Variants in GLG1 observed in about 807,000 individuals in gnomAD.
The protein encoded by GLG1 is Golgi apparatus protein 1.
A neutral mutation model predicts 160.5 loss-of-function variants in GLG1; 38 were observed. That is an observed-to-expected ratio of 0.24 (90% CI 0.18 to 0.31). The LOEUF (loss-of-function observed/expected upper bound fraction) is 0.31, where lower values mean the gene tolerates loss of function less well. Ranked by LOEUF, GLG1 falls within the 10% of genes least tolerant of loss-of-function variation. The pLI, the probability that GLG1 is intolerant of heterozygous loss-of-function variation, is 1.00. For synonymous variants in GLG1, 644 were observed against 543.4 expected (o/e 1.19, Z -2.57); for missense variants, 1,373 against 1,505.2 (o/e 0.91, Z 1.45).
chr16:74,468,693 T>C (rs1238331966), intron 17 of GLG1: 1 of 472,882 alleles, frequency 2.1e-6, no homozygotes, highest in South Asian at 2.6e-5. Flanking sequence ...ATCCAGTGAT[T>C]GGATCACATG....
At chr16:74,509,298 T>A (rs1432315090) in intron 2 of GLG1, among the ~76,000 whole-genome samples, 1 of 151,796 alleles carries the variant, frequency 6.6e-6, no homozygotes, top group East Asian at 1.9e-4. Context: ...ACAATTTTTT[T>A]AGAGCTATAA....
intron 1 of GLG1, among the ~76,000 whole-genome samples, chr16:74,586,567 T>A (rs1353421838): frequency 1.3e-5 from 2 of 152,044 alleles, no homozygotes; most frequent in East Asian, 3.9e-4. Flanking sequence ...CTCAATCTCC[T>A]CAGCTCAAAC....
intron 1 of GLG1, among the ~76,000 whole-genome samples, chr16:74,603,622 G>A (rs541672580): frequency 2.0e-5 from 3 of 151,106 alleles, no homozygotes; most frequent in Admixed American, 6.6e-5. Flanking sequence ...CTGAAACTTC[G>A]AAATACAAGA....
At chr16:74,484,028 A>G (rs1204482958) in intron 9 of GLG1, among the ~76,000 whole-genome samples, 2 of 151,992 alleles carry the variant, frequency 1.3e-5, no homozygotes, top group African/African-American at 4.8e-5. Context: ...GTTAACTGAT[A>G]AGTATCTTAA....
At position 74,498,084 on chromosome 16, in the gene GLG1, T is replaced by C. The variant is rs145488761; in HGVS notation, c.775-1440A>G. ...AGTCCTAATCTATACTTACAAGATA[T>C]GTTTCAACAATTTAAGGTATAACCA... On this transcript the variant is annotated intron_variant, in intron 4 of 25. Coordinates refer to ENST00000422840, the MANE Select transcript of GLG1 (RefSeq NM_001145667.2). Among the ~76,000 whole-genome samples the C allele has an allele frequency of 7.2e-3, 1,102 of 152,228 alleles. 9 individuals carry two copies. The highest frequency in any genetic ancestry group is 7.5e-3 in the Non-Finnish European group (507 of 68,018).
At chr16:74,575,892 T>G (rs2018988450) in intron 1 of GLG1, among the ~76,000 whole-genome samples, 2 of 152,048 alleles carry the variant, frequency 1.3e-5, no homozygotes, top group Admixed American at 6.6e-5. Flanking sequence ...TCTCATGCTC[T>G]CTCTCTCTCT....
chr16:74,514,614 C>A (rs1257806987), intron 2 of GLG1, among the ~76,000 whole-genome samples: 1 of 152,156 alleles, frequency 6.6e-6, no homozygotes, highest in Non-Finnish European at 1.5e-5. Context: ...ACCACCAGGC[C>A]TGCCTTACAA....
rs573667718 is a variant in GLG1 at position 74,579,215 on chromosome 16, C to A, written c.438+27442G>T. Among the ~76,000 whole-genome samples, 5 of 152,172 alleles carry A rather than the reference C, an allele frequency of 3.3e-5. No homozygotes were observed. In the East Asian group the frequency reaches 9.7e-4, roughly 29 times the overall value. On this transcript the variant is annotated intron_variant, in intron 1 of 25. Transcript: ENST00000422840. Reference sequence around the variant, plus strand: ...CAAACAACAACAACAAAAAAAACAGCCTGGGCAACATGGTGAGACCCCATC... The same window carrying A: ...CAAACAACAACAACAAAAAAAACAGACTGGGCAACATGGTGAGACCCCATC...
chr16:74,457,784 A>T, intron 24 of GLG1, 90 bp downstream of exon 24: 1 of 1,261,214 alleles, frequency 7.9e-7, no homozygotes, highest in Non-Finnish European at 1.1e-6. Context: ...GACCATACAG[A>T]CCACAGTAGC....
chr16:74,597,126 CAAAA>C (rs1022978269), intron 1 of GLG1, among the ~76,000 whole-genome samples: 2 of 145,058 alleles, frequency 1.4e-5, no homozygotes, highest in Non-Finnish European at 3.0e-5. Flanking sequence ...CTCAAACAAA[CAAAA>C]AAAAAACCCA....
intron 1 of GLG1, among the ~76,000 whole-genome samples, chr16:74,582,407 CT>C (rs1567538408): frequency 6.6e-6 from 1 of 152,134 alleles, no homozygotes; most frequent in African/African-American, 2.4e-5. Context: ...CTCAGGTGAT[CT>C]GCCTGCCTCA....
intron 22 of GLG1, chr16:74,461,572 G>C (rs2014799102): frequency 6.9e-6 from 1 of 145,738 alleles, no homozygotes; most frequent in Non-Finnish European, 1.5e-5. Context: ...CCGGGTTCAA[G>C]TGATTCTCCT....
chr16:74,573,521 T>C (rs1215466862), intron 1 of GLG1, among the ~76,000 whole-genome samples: 1 of 108,038 alleles, frequency 9.3e-6, no homozygotes, highest in Non-Finnish European at 2.3e-5. Flanking sequence ...TTAAAACTTA[T>C]ACTTATATAT....
At chr16:74,458,779 G>A (rs955506983) in intron 23 of GLG1, among the ~76,000 whole-genome samples, 1 of 152,184 alleles carries the variant, frequency 6.6e-6, no homozygotes, top group African/African-American at 2.4e-5. Flanking sequence ...AGAAAGGACA[G>A]GGCATAACAT....
chr16:74,515,640 C>CATGT (rs1261879201), intron 2 of GLG1, among the ~76,000 whole-genome samples: 2 of 151,722 alleles, frequency 1.3e-5, no homozygotes, highest in Admixed American at 6.6e-5. Flanking sequence ...CAACATGGCA[C>CATGT]ATGTATACAT....
At chr16:74,470,445 A>G (rs2015163704) in intron 15 of GLG1, among the ~76,000 whole-genome samples, 1 of 100,306 alleles carries the variant, frequency 1.0e-5, no homozygotes, top group African/African-American at 3.6e-5. Context: ...ATATATTTGT[A>G]ATTTTTTTTT....
chr16:74,503,857 C>A (rs2016503954), intron 3 of GLG1, 111 bp from the exon 4 acceptor site: 1 of 716,280 alleles, frequency 1.4e-6, no homozygotes, highest in African/African-American at 1.8e-5. Context: ...TAATTCTTTA[C>A]TTGGAAGAAA....
intron 25 of GLG1, among the ~76,000 whole-genome samples, chr16:74,455,095 C>T (rs550844962): frequency 1.3e-5 from 2 of 152,222 alleles, no homozygotes; most frequent in African/African-American, 2.4e-5. Flanking sequence ...TATATTTAAC[C>T]GCCCTCCACT....
At chr16:74,517,764 C>A (rs543162377) in intron 2 of GLG1, among the ~76,000 whole-genome samples, 1 of 152,264 alleles carries the variant, frequency 6.6e-6, no homozygotes, top group African/African-American at 2.4e-5. Context: ...CAAATTGTCC[C>A]TCTTTGTAGA....
Sources: allele counts gnomAD v4.1 joint callset (sites outside exome capture counted in the v4.1 genomes callset), GRCh38; gene constraint gnomAD v4.1.1; transcripts MANE v1.5; gene names NCBI Gene and HGNC (gene_info 2026-07-23, HGNC 2026-07-21).